Variants in COP1 observed in about 807,000 individuals in gnomAD.
COP1 encodes E3 ubiquitin-protein ligase COP1.
A neutral mutation model predicts 101.3 loss-of-function variants in COP1; 24 were observed. That is an observed-to-expected ratio of 0.24 (90% CI 0.17 to 0.33). COP1 has a LOEUF of 0.33. Among genes scored for constraint, COP1 ranks in the 10% least tolerant of loss-of-function variants. COP1 has a pLI of 1.00. For missense variants in COP1, 663 were observed against 906.2 expected (o/e 0.73, Z 3.45); for synonymous variants, 347 against 341.9 (o/e 1.01, Z -0.17).
At chr1:176,089,831 G>A (rs2149446550) in intron 9 of COP1, among the ~76,000 whole-genome samples, 1 of 152,264 alleles carries the variant, frequency 6.6e-6, no homozygotes, top group African/African-American at 2.4e-5. Context: ...AAATAAAGAA[G>A]GAAATCAATA....
intron 8 of COP1, among the ~76,000 whole-genome samples, chr1:176,123,121 T>G (rs1572376808): frequency 1.3e-5 from 2 of 152,192 alleles, no homozygotes; most frequent in African/African-American, 4.8e-5. Flanking sequence ...AAATTTTAAA[T>G]TATCAGATGA....
intron 5 of COP1, among the ~76,000 whole-genome samples, chr1:176,153,804 C>G (rs577799769): frequency 6.6e-6 from 1 of 152,232 alleles, no homozygotes; most frequent in South Asian, 2.1e-4. Flanking sequence ...TGAAGGAGGG[C>G]TGAATTTTGT....
At chr1:176,170,363 G>A (rs1482720405) in intron 3 of COP1, among the ~76,000 whole-genome samples, 1 of 152,136 alleles carries the variant, frequency 6.6e-6, no homozygotes, top group African/African-American at 2.4e-5. Flanking sequence ...ATTATGAAAT[G>A]TGTTTCTTCA....
intron 5 of COP1, among the ~76,000 whole-genome samples, chr1:176,152,263 TAAA>T (rs1035498450): frequency 7.0e-6 from 1 of 143,724 alleles, no homozygotes; most frequent in Non-Finnish European, 1.5e-5. Flanking sequence ...TTCTCTCTCC[TAAA>T]AAAAAAAAAT....
intron 8 of COP1, among the ~76,000 whole-genome samples, chr1:176,124,409 G>A (rs1405163528): frequency 1.5e-5 from 1 of 66,194 alleles, no homozygotes; most frequent in African/African-American, 6.4e-5. Context: ...CACCTCCCCT[G>A]CCCCCCAGCC....
chr1:176,113,752 C>T (rs945239673), intron 9 of COP1, among the ~76,000 whole-genome samples: 1 of 152,100 alleles, frequency 6.6e-6, no homozygotes, highest in African/African-American at 2.4e-5. Flanking sequence ...GATTAAGGCA[C>T]TTGTTAAATA....
At chr1:176,204,820 C>T (rs1402841766) in intron 1 of COP1, among the ~76,000 whole-genome samples, 1 of 152,036 alleles carries the variant, frequency 6.6e-6, no homozygotes, top group African/African-American at 2.4e-5. Flanking sequence ...AGCTACTACT[C>T]GGGAGGCTGA....
chr1:176,085,593 A>C (rs1316632385), intron 10 of COP1, among the ~76,000 whole-genome samples, 183 bp downstream of exon 10: 2 of 152,196 alleles, frequency 1.3e-5, no homozygotes, highest in Non-Finnish European at 2.9e-5. Context: ...ATAGAACAAA[A>C]AATAGTCATT....
intron 11 of COP1, among the ~76,000 whole-genome samples, chr1:176,066,353 C>T (rs1180895677): frequency 6.6e-6 from 1 of 152,118 alleles, no homozygotes; most frequent in Non-Finnish European, 1.5e-5. Flanking sequence ...TTGTTGTCAA[C>T]TTATTCCACA....
At chr1:175,990,523 T>C (rs1658147501) in intron 15 of COP1, among the ~76,000 whole-genome samples, 1 of 152,168 alleles carries the variant, frequency 6.6e-6, no homozygotes, top group Non-Finnish European at 1.5e-5. Context: ...TATTCAAGTC[T>C]TCTAAAACTC....
At chr1:175,956,705 T>G (rs1207664404) in intron 18 of COP1, among the ~76,000 whole-genome samples, 1 of 152,186 alleles carries the variant, frequency 6.6e-6, no homozygotes, top group Non-Finnish European at 1.5e-5. Flanking sequence ...GTCACATATA[T>G]GATGGTGGTC....
intron 11 of COP1, among the ~76,000 whole-genome samples, chr1:176,076,560 A>T (rs936303659): frequency 2.0e-5 from 3 of 151,972 alleles, no homozygotes; most frequent in African/African-American, 7.2e-5. Flanking sequence ...TCACATGTAG[A>T]GGAACTAGAA....
intron 18 of COP1, among the ~76,000 whole-genome samples, chr1:175,975,168 T>C (rs556434025): frequency 5.9e-5 from 9 of 152,276 alleles, no homozygotes; most frequent in Non-Finnish European, 8.8e-5. Flanking sequence ...CTAAAATACA[T>C]AGGATATATA....
At chr1:176,158,630 C>CTTTTTTTT (rs35518162) in intron 5 of COP1, among the ~76,000 whole-genome samples, 14 of 79,308 alleles carry the variant, frequency 1.8e-4, no homozygotes, top group Non-Finnish European at 2.0e-4. Context: ...TTTTAAGGTT[C>CTTTTTTTT]TTTTTTTTTT....
intron 8 of COP1, among the ~76,000 whole-genome samples, chr1:176,120,534 A>G (rs1168480231): frequency 6.6e-6 from 1 of 152,230 alleles, no homozygotes; most frequent in African/African-American, 2.4e-5. Context: ...TTTAATCAAA[A>G]GATAATGAAA....
chr1:176,164,661 G>A (rs965157600), intron 3 of COP1, among the ~76,000 whole-genome samples: 1 of 152,144 alleles, frequency 6.6e-6, no homozygotes, highest in African/African-American at 2.4e-5. Context: ...CAAGGTATAT[G>A]CTGGCAATGG....
chr1:176,050,899 T>C (rs1166023048), intron 11 of COP1, among the ~76,000 whole-genome samples: 3 of 152,198 alleles, frequency 2.0e-5, no homozygotes, highest in Non-Finnish European at 2.9e-5. Flanking sequence ...TCAATCATCA[T>C]GCAAACTTGC....
At chr1:176,057,483 C>T (rs934815918) in intron 11 of COP1, among the ~76,000 whole-genome samples, 1 of 152,188 alleles carries the variant, frequency 6.6e-6, no homozygotes, top group African/African-American at 2.4e-5. Flanking sequence ...TGCAGGCGCG[C>T]GCCGCCACGC....
At chr1:175,951,269 A>T (rs1649853212) in intron 18 of COP1, among the ~76,000 whole-genome samples, 1 of 150,556 alleles carries the variant, frequency 6.6e-6, no homozygotes, top group Non-Finnish European at 1.5e-5. Flanking sequence ...TAAATAAATA[A>T]ATATATAAAA....
Sources: gnomAD v4.1 joint callset for allele counts (sites outside exome capture counted in the v4.1 genomes callset) on GRCh38, gnomAD v4.1.1 for gene constraint, MANE v1.5 for transcripts, NCBI Gene and HGNC (gene_info 2026-07-23, HGNC 2026-07-21) for gene names.